TAFA1: variants seen among roughly 807,000 people sequenced by gnomAD.
The protein encoded by TAFA1 is TAFA chemokine like family member 1, also known as chemokine-like protein TAFA-1.
In TAFA1, 4 loss-of-function variants were observed where a neutral mutation model predicts 18.5. The ratio of observed to expected loss-of-function variants is 0.22; its 90% confidence interval spans 0.11 to 0.49. The LOEUF (loss-of-function observed/expected upper bound fraction) is 0.49. Ranked by LOEUF, TAFA1 falls within the 20% of genes least tolerant of loss-of-function variation. The pLI is 0.98. For synonymous variants in TAFA1, 56 were observed against 55.2 expected (o/e 1.01, Z -0.06); for missense variants, 147 against 169.0 (o/e 0.87, Z 0.72).
chr3:68,466,734 G>A (rs2071892399), intron 3 of TAFA1, among the ~76,000 whole-genome samples: 1 of 152,068 alleles, frequency 6.6e-6, no homozygotes, highest in Non-Finnish European at 1.5e-5. Context: ...TTGACCAAGG[G>A]GCAGTCATAC....
At chr3:68,041,971 C>T (rs1422338538) in intron 2 of TAFA1, among the ~76,000 whole-genome samples, 1 of 152,150 alleles carries the variant, frequency 6.6e-6, no homozygotes, top group East Asian at 1.9e-4. Context: ...TGGCTGGACA[C>T]CATCCGTGCT....
Position 68,449,760 on chromosome 3 carries a change from T to C in TAFA1, c.259+32340T>C, listed in dbSNP as rs143939025. Among the ~76,000 whole-genome samples, 918 of 152,312 alleles carry C rather than the reference T, an allele frequency of 6.0e-3. 12 individuals carry two copies. The highest frequency in any genetic ancestry group is 0.02 in the African/African-American group (850 of 41,568). Reference sequence around the variant, plus strand: ...CCCACATGAGTGTGGCCATTTATCATCAAGCTTAAAGCACATTTTTCTTAT... The same window carrying C: ...CCCACATGAGTGTGGCCATTTATCACCAAGCTTAAAGCACATTTTTCTTAT... On this transcript the variant is annotated intron_variant, in intron 3 of 4. Transcript: ENST00000478136.
chr3:68,188,948 A>C (rs1302466203), intron 2 of TAFA1, among the ~76,000 whole-genome samples: 2 of 151,886 alleles, frequency 1.3e-5, no homozygotes, highest in South Asian at 2.1e-4. Context: ...ACTTGTGACC[A>C]TGCTTGTGTC....
intron 2 of TAFA1, among the ~76,000 whole-genome samples, chr3:68,248,227 T>C (rs576549746): frequency 6.6e-6 from 1 of 152,388 alleles, no homozygotes; most frequent in Admixed American, 6.5e-5. Flanking sequence ...ATAACCTTTA[T>C]GCAGTGGCAA....
intron 2 of TAFA1, among the ~76,000 whole-genome samples, chr3:68,373,263 T>C (rs1027478884): frequency 5.3e-5 from 8 of 152,216 alleles, no homozygotes; most frequent in Admixed American, 1.3e-4. Flanking sequence ...GCCCAGCTTT[T>C]ATGTTATTTC....
intron 2 of TAFA1, among the ~76,000 whole-genome samples, chr3:68,402,315 C>T (rs1252548535): frequency 1.3e-5 from 2 of 152,176 alleles, no homozygotes; most frequent in Non-Finnish European, 2.9e-5. Flanking sequence ...CAGATGGTCC[C>T]AGGTAGCTTA....
intron 2 of TAFA1, among the ~76,000 whole-genome samples, chr3:68,081,419 C>A (rs1053137011): frequency 2.6e-5 from 4 of 151,858 alleles, no homozygotes; most frequent in Non-Finnish European, 4.4e-5. Flanking sequence ...TTTTTCTGTT[C>A]TGTTTGTTCC....
chr3:68,454,413 A>G (rs1382711583), intron 3 of TAFA1, among the ~76,000 whole-genome samples: 1 of 152,152 alleles, frequency 6.6e-6, no homozygotes, highest in Non-Finnish European at 1.5e-5. Context: ...AGGGTCAGCT[A>G]TCTGAAACAG....
chr3:68,417,593 A>G (rs979426134), intron 3 of TAFA1, 173 bp downstream of exon 3: 2 of 632,408 alleles, frequency 3.2e-6, no homozygotes, highest in African/African-American at 3.8e-5. Context: ...CTCTGGTGCT[A>G]TTATTTGAAT....
intron 2 of TAFA1, among the ~76,000 whole-genome samples, chr3:68,326,277 C>T (rs578254034): frequency 1.3e-5 from 2 of 152,120 alleles, no homozygotes; most frequent in African/African-American, 2.4e-5. Flanking sequence ...TTCCTTGTGT[C>T]ACATATTTGA....
chr3:68,152,626 A>T (rs1228361726), intron 2 of TAFA1, among the ~76,000 whole-genome samples: 1 of 152,132 alleles, frequency 6.6e-6, no homozygotes, highest in Non-Finnish European at 1.5e-5. Context: ...TTTAAAATAC[A>T]GCTAGATCTA....
At chr3:68,275,828 A>T (rs749334164) in intron 2 of TAFA1, among the ~76,000 whole-genome samples, 14 of 152,074 alleles carry the variant, frequency 9.2e-5, no homozygotes, top group South Asian at 8.3e-4. Flanking sequence ...TGGACTCGGG[A>T]CTTGAGTTCA....
At chr3:68,239,159 A>C (rs1247243518) in intron 2 of TAFA1, among the ~76,000 whole-genome samples, 1 of 152,158 alleles carries the variant, frequency 6.6e-6, no homozygotes, top group East Asian at 1.9e-4. Context: ...TATACCTCAA[A>C]TAGTAAGGAA....
At chr3:68,021,374 T>C (rs1704687005) in intron 2 of TAFA1, among the ~76,000 whole-genome samples, 2 of 152,244 alleles carry the variant, frequency 1.3e-5, no homozygotes, top group African/African-American at 4.8e-5. Flanking sequence ...TATAGTTCTA[T>C]TAAAAGAGCT....
chr3:68,058,855 T>C (rs1187483108), intron 2 of TAFA1, among the ~76,000 whole-genome samples: 1 of 152,126 alleles, frequency 6.6e-6, no homozygotes, highest in Non-Finnish European at 1.5e-5. Flanking sequence ...TTGGGTTCAG[T>C]CCATAACTAT....
intron 3 of TAFA1, among the ~76,000 whole-genome samples, chr3:68,459,864 A>G (rs1386417971): frequency 6.6e-6 from 1 of 152,226 alleles, no homozygotes; most frequent in African/African-American, 2.4e-5. Flanking sequence ...TCTAGAAACT[A>G]TAATAAAGAT....
rs192035534 is a variant in TAFA1 at position 68,361,381 on chromosome 3, G to T, written c.119-55899G>T. ...TAGGGTTACAGAAAAAGGGAGGGTG[G>T]TTAGTGGGTACAAACATAGACAAAA... On this transcript the variant is annotated intron_variant, in intron 2 of 4. Coordinates refer to ENST00000478136, the MANE Select transcript of TAFA1 (RefSeq NM_213609.4). Among the ~76,000 whole-genome samples the T allele has an allele frequency of 1.8e-4, 27 of 152,010 alleles. No homozygotes were observed. The East Asian group carries it at 5.0e-3, about 28-fold the overall frequency.
intron 3 of TAFA1, among the ~76,000 whole-genome samples, chr3:68,463,075 T>C (rs1362786700): frequency 3.3e-5 from 5 of 152,156 alleles, no homozygotes; most frequent in Admixed American, 3.3e-4. Flanking sequence ...GATCCCTAGT[T>C]CTTAGTTATT....
In TAFA1 at chr3:68,009,573, C is replaced by G. The variant is rs183290428; in HGVS notation, c.118+2829C>G. Among the ~76,000 whole-genome samples the G allele has an allele frequency of 1.3e-3, 204 of 152,258 alleles. 8 individuals carry two copies. The highest frequency in any genetic ancestry group is 0.012 in the Admixed American group (191 of 15,306). ...CAGCTTTATTGTTGAAATGAAGAAACTATAAATATCCCTTCCTAGATGCAG... is the reference window on the plus strand; with the variant it reads ...CAGCTTTATTGTTGAAATGAAGAAAGTATAAATATCCCTTCCTAGATGCAG... On this transcript the variant is annotated intron_variant, in intron 2 of 4. Coordinates refer to ENST00000478136, the MANE Select transcript of TAFA1 (RefSeq NM_213609.4).
Sources: gnomAD v4.1 joint callset for allele counts (sites outside exome capture counted in the v4.1 genomes callset) on GRCh38, gnomAD v4.1.1 for gene constraint, MANE v1.5 for transcripts, NCBI Gene and HGNC (gene_info 2026-07-23, HGNC 2026-07-21) for gene names.